The following EPHB2 variants were observed in gnomAD, a reference collection of about 807,000 sequenced individuals.
The protein encoded by EPHB2 is EPH receptor B2.
Under a neutral mutation model 96.4 loss-of-function variants are expected in EPHB2, and 18 were observed. That is an observed-to-expected ratio of 0.19 (90% CI 0.13 to 0.28). EPHB2 has a LOEUF of 0.28. EPHB2 is among the 10% of genes least tolerant of loss of function. EPHB2 has a pLI of 1.00. For missense variants in EPHB2, 989 were observed against 1,355.4 expected, an observed-to-expected ratio of 0.73 and a Z score of 4.25; for synonymous variants, 506 against 534.1, an observed-to-expected ratio of 0.95 and a Z score of 0.72.
Position 22,906,158 on chromosome 1 carries a change from T to C in EPHB2, c.1888+49T>C, listed in dbSNP as rs1570465297. The C allele has an allele frequency of 1.2e-6, 2 of 1,613,552 alleles. No individual in the cohort carries two copies. Among genetic ancestry groups the C allele is most frequent in the East Asian group, 2.2e-5 (1 of 44,864 alleles). Reference sequence around the variant, plus strand: ...GTACTATGACCTTAGCCATGGCTGGTGAGACCACCCCAATGTATACCCTTG... The same window carrying C: ...GTACTATGACCTTAGCCATGGCTGGCGAGACCACCCCAATGTATACCCTTG... On this transcript the variant is annotated intron_variant, in intron 10 of 15. Transcript: ENST00000374630. The surrounding 1 kb of genome is among the most constrained non-coding windows in gnomAD (Gnocchi z 4.8).
At chr1:22,761,631 T>C (rs1176087100) in intron 1 of EPHB2, among the ~76,000 whole-genome samples, 1 of 152,120 alleles carries the variant, frequency 6.6e-6, no homozygotes, top group Non-Finnish European at 1.5e-5. Context: ...GAGTGTTGAG[T>C]AAGATAATTC....
chr1:22,753,596 A>G (rs1156924189), intron 1 of EPHB2, among the ~76,000 whole-genome samples: 1 of 152,186 alleles, frequency 6.6e-6, no homozygotes, highest in Non-Finnish European at 1.5e-5. Context: ...AGACCAGCAC[A>G]GGCACAAGCG....
At chr1:22,808,755 TACA>T (rs1296268101) in intron 3 of EPHB2, among the ~76,000 whole-genome samples, 2 of 152,258 alleles carry the variant, frequency 1.3e-5, no homozygotes, top group Non-Finnish European at 2.9e-5. Context: ...CTTCTCATTT[TACA>T]ACGAGAAAAG....
chr1:22,732,383 G>A (rs1448453814), intron 1 of EPHB2, among the ~76,000 whole-genome samples: 2 of 151,320 alleles, frequency 1.3e-5, no homozygotes, highest in African/African-American at 2.4e-5. Flanking sequence ...GGGGAAGCGC[G>A]TGGGGGGCCG....
In EPHB2 at chr1:22,904,459, A is replaced by G. The variant is rs76908897; in HGVS notation, c.1766-1528A>G. ...AGGACAATCATAATAAATGCATCCC[A>G]TCTCAGGAGGTTACCAGATCTCCTA... On this transcript the variant is annotated intron_variant, in intron 9 of 15. Coordinates refer to ENST00000374630, the MANE Select transcript of EPHB2 (RefSeq NM_017449.5). 2.1e-3 allele frequency among the ~76,000 whole-genome samples: 321 copies of G among 152,312 alleles called. 1 individual carries two copies. Among genetic ancestry groups the G allele is most frequent in the African/African-American group, 7.5e-3 (310 of 41,554 alleles).
intron 9 of EPHB2, among the ~76,000 whole-genome samples, chr1:22,904,910 C>A (rs759156986): frequency 6.6e-6 from 1 of 152,202 alleles, no homozygotes; most frequent in Non-Finnish European, 1.5e-5. Context: ...CCAGCCAAGC[C>A]TTATGGTGAC....
At chr1:22,752,951 G>GTT (rs201819228) in intron 1 of EPHB2, among the ~76,000 whole-genome samples, 13 of 144,500 alleles carry the variant, frequency 9.0e-5, no homozygotes, top group African/African-American at 2.8e-4. Flanking sequence ...GCTGGGCTAT[G>GTT]TTTTTTTTTT....
At chr1:22,744,671 C>CAAAAA (rs59996691) in intron 1 of EPHB2, among the ~76,000 whole-genome samples, 2 of 57,922 alleles carry the variant, frequency 3.5e-5, no homozygotes, top group Non-Finnish European at 6.0e-5. Flanking sequence ...GACATTGTCT[C>CAAAAA]AAAAAAAAAA....
intron 3 of EPHB2, among the ~76,000 whole-genome samples, chr1:22,792,317 C>G (rs1266352164): frequency 6.6e-6 from 1 of 152,058 alleles, no homozygotes; most frequent in Non-Finnish European, 1.5e-5. Flanking sequence ...GAGGCCCAGA[C>G]CCCCACATAG....
intron 3 of EPHB2, among the ~76,000 whole-genome samples, chr1:22,794,095 A>C (rs1196191649): frequency 6.6e-6 from 1 of 152,126 alleles, no homozygotes; most frequent in Admixed American, 6.5e-5. Context: ...TGGGAAATGG[A>C]AACATTACAC....
At chr1:22,754,099 G>A (rs1227940862) in intron 1 of EPHB2, among the ~76,000 whole-genome samples, 2 of 152,156 alleles carry the variant, frequency 1.3e-5, no homozygotes, top group Non-Finnish European at 2.9e-5. Context: ...GGCTCCTTAG[G>A]GGGCACCCCA....
intron 5 of EPHB2, among the ~76,000 whole-genome samples, chr1:22,866,163 A>T (rs1638468041): frequency 6.6e-6 from 1 of 152,130 alleles, no homozygotes; most frequent in Admixed American, 6.5e-5. Context: ...TGGGTAGAAG[A>T]TCTCATGGTT....
At chr1:22,768,157 T>G (rs1644331834) in intron 1 of EPHB2, among the ~76,000 whole-genome samples, 1 of 152,204 alleles carries the variant, frequency 6.6e-6, no homozygotes, top group South Asian at 2.1e-4. Context: ...GGCAGCAGCC[T>G]CTCTCAGAAA....
chr1:22,893,964 G>A (rs4347183), intron 7 of EPHB2, among the ~76,000 whole-genome samples: 64,332 of 151,954 alleles, frequency 0.42, 14,485 homozygotes, highest in Non-Finnish European at 0.51. Context: ...ACCACTAGGC[G>A]TGCCTTGGCC....
chr1:22,808,181 T>A (rs1463572141), intron 3 of EPHB2, among the ~76,000 whole-genome samples: 1 of 150,878 alleles, frequency 6.6e-6, no homozygotes, highest in African/African-American at 2.4e-5. Context: ...CCAGGAAAGG[T>A]GAGCAGTTCA....
intron 15 of EPHB2, 132 bp downstream of exon 15, chr1:22,912,731 T>A (rs1209825322): frequency 7.4e-7 from 1 of 1,358,800 alleles, no homozygotes; most frequent in African/African-American, 1.4e-5. Flanking sequence ...AGGGGCAAGA[T>A]GGCCAACTTT....
chr1:22,732,032 C>G (rs985937109), intron 1 of EPHB2, among the ~76,000 whole-genome samples: 6 of 152,178 alleles, frequency 3.9e-5, no homozygotes, highest in Non-Finnish European at 5.9e-5. Flanking sequence ...TGGAAGGCAG[C>G]CCCCTCTAGC....
rs2148371099 is a variant in EPHB2 at position 22,745,038 on chromosome 1, G to A, written c.61+33995G>A. On this transcript the variant is annotated intron_variant, in intron 1 of 15. Transcript: ENST00000374630. ...GGCAGAAGAAAGTCCAAGCATAAGT[G>A]GACCTGCTCTGTTCAAACTGGTGTT... 2.0e-5 allele frequency among the ~76,000 whole-genome samples: 3 copies of A among 152,252 alleles called. No individual in the cohort carries two copies. In the South Asian group the frequency reaches 6.2e-4, roughly 32 times the overall value.
chr1:22,717,591 C>A (rs72879160), intron 1 of EPHB2, among the ~76,000 whole-genome samples: 1 of 152,144 alleles, frequency 6.6e-6, no homozygotes, highest in African/African-American at 2.4e-5. Context: ...TGGAGAATAC[C>A]GCGCATGTGT....
Sources: gnomAD v4.1 joint callset for allele counts (sites outside exome capture counted in the v4.1 genomes callset) on GRCh38, gnomAD v4.1.1 for gene constraint, Gnocchi (gnomAD v3.1) non-coding constraint, MANE v1.5 for transcripts, NCBI Gene and HGNC (gene_info 2026-07-23, HGNC 2026-07-21) for gene names.